The following IGSF1 variants were observed in gnomAD, a reference collection of about 807,000 sequenced individuals.
IGSF1 encodes immunoglobulin-like domain-containing protein 1.
A neutral mutation model predicts 95.3 loss-of-function variants in IGSF1; 40 were observed. The ratio of observed to expected loss-of-function variants is 0.42; its 90% CI spans 0.33 to 0.55. IGSF1 has a LOEUF of 0.55. Ranked by LOEUF, IGSF1 falls within the 20% of genes least tolerant of loss-of-function variation. The pLI, the probability that IGSF1 is intolerant of heterozygous loss-of-function variation, is 0.10. For missense variants in IGSF1, 906 were observed against 1,025.4 expected (o/e 0.88, Z 1.59); for synonymous variants, 372 against 382.9 (o/e 0.97, Z 0.33).
At position 131,285,328 on chromosome X, in the gene IGSF1, T is replaced by C; in HGVS notation, c.518A>G (p.Asp173Gly). ...CATTGTCCCAGTTGGGACTTGGTAA[T>C]CCACAGGCTCTGCATATCCCTCTTT... Reference protein sequence around the residue: ...LFKEGYAEPVDYQVPTGTMAI... With the variant: ...LFKEGYAEPVGYQVPTGTMAI... Residue 173 changes from aspartate to glycine, a missense_variant, in exon 5 of 20, where the codon GAT becomes GGT. This residue lies in a region of IGSF1 where 442 missense variants were observed against 448.1 expected (regional missense o/e 0.99). Transcript: ENST00000361420. The C allele has an allele frequency of 8.3e-7, 1 of 1,211,416 alleles. No individual in the cohort carries two copies. Among genetic ancestry groups the C allele is most frequent in the East Asian group, 3.0e-5 (1 of 33,832 alleles).
Position 131,281,938 on chromosome X carries a change from G to A in IGSF1, c.1253C>T (p.Pro418Leu). 8.3e-7 allele frequency: 1 copy of A among 1,201,178 alleles called. No homozygotes were observed. The highest frequency in any genetic ancestry group is 1.1e-6 in the Non-Finnish European group (1 of 888,880). ...CCAAGCTGACAGGGAGGGTTTGGGGGGCTTATCTGAAACCAATCCAGAGAC... is the reference window on the plus strand; with the variant it reads ...CCAAGCTGACAGGGAGGGTTTGGGGAGCTTATCTGAAACCAATCCAGAGAC... The part of the protein sequence containing the change: ...NTVELMVVDK[P>L]PKPSLSAWPS... Residue 418 changes from proline (P) to leucine (L), a missense_variant, in exon 8 of 20, where the codon CCC (proline) becomes CTC (leucine). Physicochemically the swap from Pro to Leu is moderately conservative, Grantham distance 98. Coordinates refer to ENST00000361420, the MANE Select transcript of IGSF1 (RefSeq NM_001555.5).
Position 131,274,605 on chromosome X carries a change from C to T in IGSF1, c.3745G>A (p.Ala1249Thr). The change falls in exon 18 of 20, where the codon GCA becomes ACA. Residue 1249 changes from alanine to threonine, a missense_variant. By Grantham distance (58) the Ala-to-Thr change is moderately conservative. Around this residue, in one of 5 missense-constraint regions of IGSF1, gnomAD observed 411 missense variants for 494.9 expected, o/e 0.83. Coordinates refer to ENST00000361420, the MANE Select transcript of IGSF1 (RefSeq NM_001555.5). ...EPSDPLELVG[A>T]AGPVAQECTV... ...GGAGAGATTATTCTCTTACCTGCTG[C>T]CCCCACCAGCTCCAGGGGATCACTA... 8.3e-7 allele frequency: 1 copy of T among 1,210,051 alleles called. No homozygotes were observed. Among genetic ancestry groups the T allele is most frequent in the South Asian group, 1.8e-5 (1 of 56,633 alleles).
Position 131,282,875 on chromosome X carries a change from C to T in IGSF1, c.952+105G>A, listed in dbSNP as rs1036773802. The stretch of plus-strand genomic sequence containing the variant: ...CCAGTTTTACAAATTCTGCTCCCTT[C>T]TCTACTGTTAACCCTGGCCACAGGA... On this transcript the variant is annotated intron_variant, in intron 6 of 19. Coordinates refer to ENST00000361420, the MANE Select transcript of IGSF1 (RefSeq NM_001555.5). The T allele has an allele frequency of 5.3e-6, 5 of 938,275 alleles. No individual in the cohort carries two copies. In the Admixed American group the frequency reaches 1.3e-4, roughly 25 times the overall value. 77.3% of individuals were successfully genotyped at this position (938,275 alleles called of 1,213,427 possible). A position where few individuals can be genotyped will look rare whatever the true frequency, so the allele number is the denominator to read the frequency against.
At chrX:131,276,589 G>C (rs1481131481) in intron 14 of IGSF1, among the ~76,000 whole-genome samples, 1 of 111,124 alleles carries the variant, frequency 9.0e-6, no homozygotes, top group African/African-American at 3.3e-5. Context: ...ACCGGTCTCT[G>C]ACAGCCCAGC....
intron 4 of IGSF1, 121 bp downstream of exon 4, chrX:131,285,646 G>A (rs1424999597): frequency 3.6e-6 from 3 of 841,812 alleles, no homozygotes; most frequent in Non-Finnish European, 3.3e-6. Context: ...TACAAAGTAG[G>A]CCCTTATTTA....
Position 131,275,250 on chromosome X carries a change from C to T in IGSF1, c.3221G>A (p.Gly1074Asp). 8.3e-7 allele frequency: 1 copy of T among 1,211,361 alleles called. No individual in the cohort carries two copies. The highest frequency in any genetic ancestry group is 1.1e-6 in the Non-Finnish European group (1 of 895,243). Residue 1074 changes from glycine to aspartate, a missense_variant, in exon 17 of 20, where the codon GGT becomes GAT. By Grantham distance (94) the Gly-to-Asp change is moderately conservative. Transcript: ENST00000361420. ...ATTTTCGCCAGGGGCCACCATGGGA[C>T]CAGGCTGGGCTAATAGGCTGGGTTT... is the stretch of plus-strand genomic sequence containing the variant. ...LPKPSLLAQP[G>D]PMVAPGENMT...
At chrX:131,280,631 G>C (rs975964802) in intron 9 of IGSF1, among the ~76,000 whole-genome samples, 5 of 112,135 alleles carry the variant, frequency 4.5e-5, no homozygotes, top group East Asian at 2.8e-4. Flanking sequence ...GAGTTTGTGA[G>C]TCAGAGGAAA....
chrX:131,275,834 C>CT (rs777718651), intron 15 of IGSF1, 69 bp from the exon 16 acceptor site: 105 of 1,158,123 alleles, frequency 9.1e-5, no homozygotes, highest in Non-Finnish European at 1.2e-4. Context: ...AATTAACACT[C>CT]TATCTTTCTC....
At chrX:131,277,365 A>AC in intron 13 of IGSF1, 139 bp from the exon 14 acceptor site, 4 of 594,575 alleles carry the variant, frequency 6.7e-6, no homozygotes, top group African/African-American at 2.3e-5. Flanking sequence ...TGCATTTAAA[A>AC]AGTAAGGTAA....
At chrX:131,276,554 C>G (rs1398206859) in intron 14 of IGSF1, among the ~76,000 whole-genome samples, 1 of 111,384 alleles carries the variant, frequency 9.0e-6, no homozygotes, top group Admixed American at 9.5e-5. Context: ...AGGTCTTCTC[C>G]CTTTCTCTGA....
rs373931325 is a variant in IGSF1 at position 131,275,304 on chromosome X, C to T, written c.3185-18G>A. The stretch of plus-strand genomic sequence containing the variant: ...GAGTAAGCCTGGAAGAAATGAACTC[C>T]TGGTCAAAGAGAAGAGGTCACTTTC... On this transcript the variant is annotated intron_variant, in intron 16 of 19. Coordinates refer to ENST00000361420, the MANE Select transcript of IGSF1 (RefSeq NM_001555.5). The T allele has an allele frequency of 2.5e-6, 3 of 1,205,854 alleles. No individual in the cohort carries two copies. The highest frequency in any genetic ancestry group is 3.4e-6 in the Non-Finnish European group (3 of 890,845).
At position 131,276,281 on chromosome X, in the gene IGSF1, C is replaced by T. The variant is rs1348280591; in HGVS notation, c.2609-33G>A. ...TAAAGAGACCACAGCATGAGATAAA[C>T]CCAGCCCTCACATCCTGCAAATAGC... On this transcript the variant is annotated intron_variant, in intron 14 of 19. Coordinates refer to ENST00000361420, the MANE Select transcript of IGSF1 (RefSeq NM_001555.5). 5 of 1,137,276 alleles carry T rather than the reference C, an allele frequency of 4.4e-6. No individual in the cohort carries two copies. The East Asian group carries it at 1.5e-4, about 34-fold the overall frequency. The allele number at this position is 1,137,276 out of a possible 1,213,427, so 93.7% of individuals were successfully genotyped here.
In IGSF1 at chrX:131,276,948, C is replaced by T. The variant is rs1338637254; in HGVS notation, c.2599G>A (p.Val867Met). ...AGTCCCCCCTCCTAACCTGTCACCA[C>T]GAGCTCCACAGGGTCGCTGGGCTCA... The part of the protein sequence containing the change: ...WSEPSDPVEL[V>M]VTEFYPKPTL... Residue 867 changes from valine (V) to methionine (M), a missense_variant, in exon 14 of 20, where the codon GTG becomes ATG. Coordinates refer to ENST00000361420, the MANE Select transcript of IGSF1 (RefSeq NM_001555.5). The T allele has an allele frequency of 3.3e-6, 4 of 1,210,631 alleles. No homozygotes were observed. Among genetic ancestry groups the T allele is most frequent in the South Asian group, 3.5e-5 (2 of 56,742 alleles).
At position 131,282,449 on chromosome X, in the gene IGSF1, A is replaced by G. The variant is rs1203453414; in HGVS notation, c.1241T>C (p.Val414Ala). Residue 414 changes from valine to alanine, a missense_variant, in exon 7 of 20, where the codon GTT (valine) becomes GCT (alanine). Physicochemically the swap from Val to Ala is moderately conservative, Grantham distance 64 (BLOSUM62 0). Coordinates refer to ENST00000361420, the MANE Select transcript of IGSF1 (RefSeq NM_001555.5). ...AAACAGTTGTTAACACTTGCCTACA[A>G]CCATAAGCTCCACAGTGTTGTGTGA... ...MPSHNTVELM[V>A]VDKPPKPSLS... 1.7e-6 allele frequency: 2 copies of G among 1,200,951 alleles called. No homozygotes were observed. Among genetic ancestry groups the G allele is most frequent in the Admixed American group, 2.2e-5 (1 of 45,594 alleles).
At position 131,286,465 on chromosome X, in the gene IGSF1, T is replaced by C; in HGVS notation, c.71-2A>G. 1.7e-6 allele frequency: 2 copies of C among 1,203,693 alleles called. No individual in the cohort carries two copies. The highest frequency in any genetic ancestry group is 2.3e-6 in the Non-Finnish European group (2 of 888,091). On this transcript the variant is annotated splice_acceptor_variant, in intron 2 of 19. Transcript: ENST00000361420. LOFTEE classifies it high-confidence loss of function. The stretch of plus-strand genomic sequence containing the variant: ...TTGATGTCATACCCAGACTCATCCC[T>C]GAAAAGAGAGATTATGGTAAAGGAG...
At chrX:131,288,616 T>C (rs186892874) in intron 1 of IGSF1, among the ~76,000 whole-genome samples, 48 of 111,610 alleles carry the variant, frequency 4.3e-4, no homozygotes, top group Non-Finnish European at 7.0e-4. Context: ...CTTTTTGGCA[T>C]GGCTGACCCC....
chrX:131,286,133 C>T, intron 3 of IGSF1, 85 bp from the exon 4 acceptor site: 1 of 895,651 alleles, frequency 1.1e-6, no homozygotes, highest in Non-Finnish European at 1.6e-6. Flanking sequence ...TTAAAATTAG[C>T]CCGGACCCAG....
Position 131,281,327 on chromosome X carries a change from A to G in IGSF1, c.1537T>C (p.Trp513Arg). ...KLMGPAGYLT[W>R]NYVLNEAIRL... Reference sequence around the variant, plus strand: ...ATAGCTTCATTCAGAACGTAATTCCAGGTGAGATAGCCTGTGGCCAGAGAA... The same window carrying G: ...ATAGCTTCATTCAGAACGTAATTCCGGGTGAGATAGCCTGTGGCCAGAGAA... The change falls in exon 9 of 20, where the codon TGG becomes CGG. Residue 513 changes from tryptophan (W) to arginine (R), a missense_variant. Trp to Arg is a moderately radical substitution (Grantham distance 101). This residue lies in a region of IGSF1 where 442 missense variants were observed against 448.1 expected (regional missense o/e 0.99). Transcript: ENST00000361420. The G allele has an allele frequency of 8.3e-7, 1 of 1,211,386 alleles. No individual in the cohort carries two copies. The highest frequency in any genetic ancestry group is 1.1e-6 in the Non-Finnish European group (1 of 895,096).
At chrX:131,287,877 G>A (rs1445327147) in intron 1 of IGSF1, among the ~76,000 whole-genome samples, 1 of 111,632 alleles carries the variant, frequency 9.0e-6, no homozygotes, top group Non-Finnish European at 1.9e-5. Context: ...GGAGTCTGAA[G>A]TCCTGGCTGA....
Sources: allele counts gnomAD v4.1 joint callset (sites outside exome capture counted in the v4.1 genomes callset), GRCh38; gene constraint gnomAD v4.1.1; regional missense constraint gnomAD v4.1.1; transcripts MANE v1.5; gene names NCBI Gene and HGNC (gene_info 2026-07-23, HGNC 2026-07-21).